FAM107A: variants seen among roughly 807,000 people sequenced by gnomAD.
FAM107A encodes the protein family with sequence similarity 107 member A, also known as actin-associated protein FAM107A.
Under a neutral mutation model 13.7 loss-of-function variants are expected in FAM107A, and 19 were observed. The ratio of observed to expected loss-of-function variants is 1.38; its 90% CI spans 0.97 to 2.03. The LOEUF (loss-of-function observed/expected upper bound fraction) is 2.03. Among genes scored for constraint, FAM107A ranks in the 30% most tolerant of loss-of-function variants. FAM107A has a pLI of 0.00. For synonymous variants in FAM107A, 82 were observed against 74.5 expected (o/e 1.10, Z -0.52); for missense variants, 203 against 184.4 (o/e 1.10, Z -0.58).
At chr3:58,585,153 T>C (rs2065590741) in intron 1 of FAM107A, among the ~76,000 whole-genome samples, 2 of 152,150 alleles carry the variant, frequency 1.3e-5, no homozygotes, top group South Asian at 4.1e-4. Flanking sequence ...GAAACACTCC[T>C]ACGTGTTTGC....
intron 1 of FAM107A, among the ~76,000 whole-genome samples, chr3:58,599,751 T>C (rs1051134026): frequency 7.5e-6 from 1 of 134,080 alleles, no homozygotes; most frequent in Non-Finnish European, 1.6e-5. Flanking sequence ...GGGATCCCGC[T>C]CTGTCACCTA....
At chr3:58,570,279 T>C in intron 1 of FAM107A, 1 of 555,616 alleles carries the variant, frequency 1.8e-6, no homozygotes, top group African/African-American at 2.0e-5. Context: ...AACATGTACT[T>C]GTTAAAAACA....
intron 1 of FAM107A, among the ~76,000 whole-genome samples, chr3:58,612,583 A>G (rs75534175): frequency 6.7e-6 from 1 of 148,826 alleles, no homozygotes; most frequent in Non-Finnish European, 1.5e-5. Context: ...GAGACCCTGA[A>G]AAAAAAAAAA....
At chr3:58,623,316 G>T (rs370255472) in intron 1 of FAM107A, among the ~76,000 whole-genome samples, 1 of 152,182 alleles carries the variant, frequency 6.6e-6, no homozygotes, top group Non-Finnish European at 1.5e-5. Flanking sequence ...CAGAGGACAG[G>T]ACTCTTTCAG....
intron 1 of FAM107A, among the ~76,000 whole-genome samples, chr3:58,610,580 T>C (rs2065843981): frequency 6.6e-6 from 1 of 151,578 alleles, no homozygotes; most frequent in Admixed American, 6.6e-5. Context: ...GAAATGGGGA[T>C]AACAAAAGTG....
At chr3:58,588,967 C>A (rs530654995), upstream of FAM107A, among the ~76,000 whole-genome samples, 1 of 152,118 alleles carries the variant, frequency 6.6e-6, no homozygotes, top group African/African-American at 2.4e-5. Context: ...ATGGTTATGC[C>A]CCTTTTACAG....
intron 1 of FAM107A, chr3:58,609,250 T>C (rs2065829841): frequency 6.6e-6 from 1 of 152,198 alleles, no homozygotes; most frequent in African/African-American, 2.4e-5. Flanking sequence ...GGGCCTTCAT[T>C]TCTTTTTCTG....
chr3:58,585,550 A>C (rs1415984032), intron 1 of FAM107A, among the ~76,000 whole-genome samples: 1 of 152,158 alleles, frequency 6.6e-6, no homozygotes, highest in Non-Finnish European at 1.5e-5. Flanking sequence ...GGGGACAGGC[A>C]CCGCCGCTGC....
At chr3:58,599,872 C>G (rs745870674) in intron 1 of FAM107A, among the ~76,000 whole-genome samples, 7 of 151,658 alleles carry the variant, frequency 4.6e-5, no homozygotes, top group Non-Finnish European at 1.0e-4. Flanking sequence ...AATGGGGTTT[C>G]ACCATGTTGG....
upstream of FAM107A, chr3:58,577,795 TG>T (rs1191024485): frequency 3.5e-6 from 3 of 845,318 alleles, no homozygotes; most frequent in Non-Finnish European, 4.3e-6. This position sits in a 1 kb window ranked among gnomAD's most constrained non-coding sequence, Gnocchi z 4.9. Flanking sequence ...AAAATGGCTC[TG>T]GGGGGAAAAG....
chr3:58,598,633 C>A (rs1013961965), intron 1 of FAM107A, among the ~76,000 whole-genome samples: 2 of 152,196 alleles, frequency 1.3e-5, no homozygotes, highest in African/African-American at 4.8e-5. Flanking sequence ...TGTAAACATT[C>A]GGAACAACTC....
chr3:58,586,827 C>T (rs1235335539), intron 1 of FAM107A: 1 of 1,517,622 alleles, frequency 6.6e-7, no homozygotes, highest in Non-Finnish European at 8.8e-7. Context: ...CGCCCACTTC[C>T]CGCGGCGAGG....
chr3:58,607,154 A>G (rs2065802464), intron 1 of FAM107A: 1 of 152,200 alleles, frequency 6.6e-6, no homozygotes, highest in Non-Finnish European at 1.5e-5. Context: ...ATTGGGCACT[A>G]TGTCCTGTCC....
At chr3:58,581,618 C>T (rs556135835), upstream of FAM107A, among the ~76,000 whole-genome samples, 1 of 152,218 alleles carries the variant, frequency 6.6e-6, no homozygotes, top group Admixed American at 6.5e-5. Context: ...GCCTCTCAAA[C>T]ATGCTCTGCA....
upstream of FAM107A, among the ~76,000 whole-genome samples, chr3:58,579,507 C>A (rs1367071989): frequency 1.3e-5 from 2 of 152,090 alleles, no homozygotes. Context: ...CCTTAACTTC[C>A]CCAAACTCTC....
chr3:58,595,976 C>T (rs189664564), intron 1 of FAM107A, among the ~76,000 whole-genome samples: 1 of 152,190 alleles, frequency 6.6e-6, no homozygotes, highest in South Asian at 2.1e-4. Context: ...TCGGGAGATG[C>T]TGGCTTAATT....
rs373577830 is a variant in FAM107A at position 58,566,581 on chromosome 3, G to A, written c.*7C>T. 11 of 1,606,640 alleles carry A rather than the reference G, an allele frequency of 6.8e-6. No homozygotes were observed. The highest frequency in any genetic ancestry group is 1.7e-5 in the Admixed American group (1 of 60,006). Reference sequence around the variant, plus strand: ...GGTGGGCAGTGGCCTGAGCCCGGCAGCTGGCCCTACAGCTCTCTCTCTTCG... The same window carrying A: ...GGTGGGCAGTGGCCTGAGCCCGGCAACTGGCCCTACAGCTCTCTCTCTTCG... On this transcript the variant is annotated 3_prime_UTR_variant, in exon 4 of 4. Coordinates refer to ENST00000360997, the MANE Select transcript of FAM107A (RefSeq NM_001076778.3).
intron 1 of FAM107A, among the ~76,000 whole-genome samples, chr3:58,615,321 AT>A (rs2065891570): frequency 6.6e-6 from 1 of 152,074 alleles, no homozygotes; most frequent in South Asian, 2.1e-4. Context: ...TAACTTTGAC[AT>A]TTAGCTCAGT....
In FAM107A at chr3:58,569,746, T is replaced by G; in HGVS notation, c.115A>C (p.Lys39Gln). The change falls in exon 2 of 4, where the codon AAG (lysine) becomes CAG (glutamine). Residue 39 changes from lysine to glutamine, a missense_variant. Lys to Gln is a moderately conservative substitution (Grantham distance 53, BLOSUM62 1). Coordinates refer to ENST00000360997, the MANE Select transcript of FAM107A (RefSeq NM_001076778.3). This position sits in a 1 kb window ranked among gnomAD's most constrained non-coding sequence, Gnocchi z 5.7. ...IKPKKLLNPV[K>Q]ASRSHQELHR... ...AGCTCCTGGTGACTCCGAGAGGCCT[T>G]CACGGGGTTCAGCAGCTTCTTGGGC... is the stretch of plus-strand genomic sequence containing the variant. The G allele has an allele frequency of 2.5e-6, 4 of 1,614,072 alleles. No homozygotes were observed. Among genetic ancestry groups the G allele is most frequent in the African/African-American group, 2.7e-5 (2 of 75,028 alleles).
Sources: allele counts gnomAD v4.1 joint callset (sites outside exome capture counted in the v4.1 genomes callset), GRCh38; gene constraint gnomAD v4.1.1; non-coding constraint Gnocchi (gnomAD v3.1); transcripts MANE v1.5; gene names NCBI Gene and HGNC (gene_info 2026-07-23, HGNC 2026-07-21).